Variants in TXNDC5 observed in about 807,000 individuals in gnomAD.
TXNDC5 encodes the protein thioredoxin domain containing 5.
Under a neutral mutation model 52.6 loss-of-function variants are expected in TXNDC5, and 44 were observed. The ratio of observed to expected loss-of-function variants is 0.84; its 90% CI spans 0.66 to 1.08. The LOEUF (loss-of-function observed/expected upper bound fraction) is 1.08, where lower values mean the gene tolerates loss of function less well. Among genes scored for constraint, TXNDC5 ranks in the 50% least tolerant of loss-of-function variants. The probability of loss-of-function intolerance (pLI) is 0.00; values close to 1 mark genes in which losing one functional copy is unlikely to be tolerated. For missense variants in TXNDC5, 600 were observed against 565.5 expected, an observed-to-expected ratio of 1.06 and a Z score of -0.62; for synonymous variants, 241 against 234.4, an observed-to-expected ratio of 1.03 and a Z score of -0.26.
intron 7 of TXNDC5, among the ~76,000 whole-genome samples, chr6:7,887,840 C>T (rs1035440759): frequency 6.6e-6 from 1 of 152,182 alleles, no homozygotes; most frequent in Admixed American, 6.5e-5. Context: ...TGCAGAAATG[C>T]CGGCTGATTC....
At position 7,883,007 on chromosome 6, in the gene TXNDC5, A is replaced by G; in HGVS notation, c.*137T>C. On this transcript the variant is annotated 3_prime_UTR_variant, in exon 10 of 10. Coordinates refer to ENST00000379757, the MANE Select transcript of TXNDC5 (RefSeq NM_030810.5). ...GTGTGTTGGCTTGGAAAACACACAC[A>G]CAAAGAAGATACCTCACGCTTAGTA... is the stretch of plus-strand genomic sequence containing the variant. 1 of 1,186,870 alleles carries G rather than the reference A, an allele frequency of 8.4e-7. No homozygotes were observed. 73.5% of individuals were successfully genotyped at this position (1,186,870 alleles called of 1,614,324 possible). A position where few individuals can be genotyped will look rare whatever the true frequency, so the allele number is the denominator to read the frequency against.
In TXNDC5 at chr6:7,883,253, G is replaced by A; in HGVS notation, c.1190C>T (p.Pro397Leu). ...ICSKYSVRGY[P>L]TLLLFRGGKK... ...CCCTCCTCGGAAAAGCAATAACGTG[G>A]GGTAGCCTCGTACCTTAAAACAAAA... is the stretch of plus-strand genomic sequence containing the variant. The change falls in exon 10 of 10, where the codon CCC (proline) becomes CTC (leucine). Residue 397 changes from proline (P) to leucine (L), a missense_variant. Coordinates refer to ENST00000379757, the MANE Select transcript of TXNDC5 (RefSeq NM_030810.5). The A allele has an allele frequency of 1.2e-6, 2 of 1,614,102 alleles. No homozygotes were observed. The highest frequency in any genetic ancestry group is 1.7e-6 in the Non-Finnish European group (2 of 1,180,002).
At chr6:7,901,419 A>G (rs1760563154) in intron 2 of TXNDC5, among the ~76,000 whole-genome samples, 1 of 151,610 alleles carries the variant, frequency 6.6e-6, no homozygotes, top group Non-Finnish European at 1.5e-5. Flanking sequence ...CTTTGCTAAA[A>G]GTAAAATACA....
intron 4 of TXNDC5, among the ~76,000 whole-genome samples, chr6:7,893,711 G>C (rs1760275998): frequency 6.6e-6 from 1 of 152,228 alleles, no homozygotes; most frequent in African/African-American, 2.4e-5. Context: ...GCAAAAGTGG[G>C]AAAAGGCTGA....
chr6:7,886,097 G>C lies in TXNDC5; in HGVS notation c.964-54C>G, dbSNP rs566985438. 3.3e-6 allele frequency: 5 copies of C among 1,519,424 alleles called. No individual in the cohort carries two copies. In the African/African-American group the frequency reaches 6.9e-5, roughly 21 times the overall value. 94.1% of individuals were successfully genotyped at this position (1,519,424 alleles called of 1,614,324 possible). Reference sequence around the variant, plus strand: ...AGTACATCCCTTAAAGTTGAGCAGGGCCATGCTTTGGGATTGCAGATACAC... The same window carrying C: ...AGTACATCCCTTAAAGTTGAGCAGGCCCATGCTTTGGGATTGCAGATACAC... On this transcript the variant is annotated intron_variant, in intron 7 of 9. Coordinates refer to ENST00000379757, the MANE Select transcript of TXNDC5 (RefSeq NM_030810.5).
chr6:7,890,884 C>T (rs1259435852), intron 5 of TXNDC5, among the ~76,000 whole-genome samples: 1 of 152,144 alleles, frequency 6.6e-6, no homozygotes, highest in African/African-American at 2.4e-5. Flanking sequence ...GCCAGGTCTA[C>T]CCAACCCCCA....
At chr6:7,884,229 A>AGAGATCCTCT in intron 9 of TXNDC5, 130 bp downstream of exon 9, 1 of 1,272,548 alleles carries the variant, frequency 7.9e-7, no homozygotes, top group Non-Finnish European at 1.1e-6. Context: ...CAAACAAACA[A>AGAGATCCTCT]CTCAAAGGGA....
intron 3 of TXNDC5, among the ~76,000 whole-genome samples, chr6:7,897,169 T>G (rs1244918329): frequency 6.6e-6 from 1 of 152,048 alleles, no homozygotes; most frequent in Admixed American, 6.6e-5. Context: ...ATGATCAACA[T>G]AAAGACCACA....
chr6:7,885,961 C>T lies in TXNDC5; in HGVS notation c.1046G>A (p.Trp349Ter). The T allele has an allele frequency of 6.2e-7, 1 of 1,613,840 alleles. No homozygotes were observed. The highest frequency in any genetic ancestry group is 8.5e-7 in the Non-Finnish European group (1 of 1,179,922). The change falls in exon 8 of 10, where the codon TGG becomes TAG. Residue 349 changes from tryptophan to a stop codon, truncating the protein, a stop_gained and splice_region_variant. Coordinates refer to ENST00000379757, the MANE Select transcript of TXNDC5 (RefSeq NM_030810.5). LOFTEE classifies it high-confidence loss of function. ...AGTTTCTAATTAAACAGCCACTTAC[C>T]ATGGAGCATAAAACTTGATGAAGGT... ...GITFIKFYAP[W>*]CGHCKTLAPT...
chr6:7,891,800 T>C, intron 4 of TXNDC5, 64 bp from the exon 5 acceptor site: 1 of 1,160,494 alleles, frequency 8.6e-7, no homozygotes, highest in Non-Finnish European at 1.3e-6. Flanking sequence ...CAGACCTCAC[T>C]AGAGAGTTAA....
intron 4 of TXNDC5, among the ~76,000 whole-genome samples, 178 bp from the exon 5 acceptor site, chr6:7,891,914 A>C (rs1760205077): frequency 6.6e-6 from 1 of 152,254 alleles, no homozygotes; most frequent in Admixed American, 6.5e-5. Flanking sequence ...TCATGACTTC[A>C]TAACAATACT....
chr6:7,887,499 C>T (rs113914639), intron 7 of TXNDC5, among the ~76,000 whole-genome samples: 2 of 101,542 alleles, frequency 2.0e-5, no homozygotes, highest in Non-Finnish European at 3.5e-5. Context: ...ACCCTCCCTC[C>T]CTCTCCGCGC....
intron 1 of TXNDC5, chr6:7,909,836 T>G (rs1200685165): frequency 8.1e-6 from 8 of 985,888 alleles, no homozygotes; most frequent in Non-Finnish European, 3.6e-6. Context: ...ATTTTTCAGT[T>G]AAAGCCTCTG....
At chr6:7,884,201 G>C (rs1407504190) in intron 9 of TXNDC5, among the ~76,000 whole-genome samples, 158 bp downstream of exon 9, 5 of 152,000 alleles carry the variant, frequency 3.3e-5, no homozygotes, top group Non-Finnish European at 7.3e-5. Flanking sequence ...CTTTGAGAGA[G>C]GATCTCTTTT....
chr6:7,887,435 C>A (rs1340305313), intron 7 of TXNDC5, among the ~76,000 whole-genome samples: 1 of 150,208 alleles, frequency 6.7e-6, no homozygotes, highest in Non-Finnish European at 1.5e-5. Context: ...CTGGCCCCGC[C>A]CCTGTGCTGG....
In TXNDC5 at chr6:7,895,273, G is replaced by C. The variant is rs1387452073; in HGVS notation, c.520-71C>G. 2.8e-6 allele frequency: 4 copies of C among 1,419,634 alleles called. No individual in the cohort carries two copies. The African/African-American group carries it at 5.7e-5, about 20-fold the overall frequency. 87.9% of individuals were successfully genotyped at this position (1,419,634 alleles called of 1,614,324 possible). ...CAGGGAAACCATCCAGGAGGTGACT[G>C]TGTCTGTGGGGAACCGCCTGCAGAT... On this transcript the variant is annotated intron_variant, in intron 3 of 9. Transcript: ENST00000379757.
At chr6:7,902,739 C>T (rs1269049011) in intron 2 of TXNDC5, among the ~76,000 whole-genome samples, 1 of 151,996 alleles carries the variant, frequency 6.6e-6, no homozygotes, top group Non-Finnish European at 1.5e-5. Flanking sequence ...GTGTGGTGTA[C>T]GTTCATTTTT....
chr6:7,894,613 C>CTACA (rs1760304720), intron 4 of TXNDC5: 1 of 690,148 alleles, frequency 1.4e-6, no homozygotes, highest in Non-Finnish European at 1.8e-6. Flanking sequence ...ATGAAATGTG[C>CTACA]TACAGCATTA....
At chr6:7,899,717 G>A (rs893149051) in intron 2 of TXNDC5, 36 bp from the exon 3 acceptor site, 4 of 1,573,466 alleles carry the variant, frequency 2.5e-6, no homozygotes, top group South Asian at 1.1e-5. Flanking sequence ...AGAGCAAAAA[G>A]AAAGTTGTCT....
Sources: allele counts gnomAD v4.1 joint callset (sites outside exome capture counted in the v4.1 genomes callset), GRCh38; gene constraint gnomAD v4.1.1; transcripts MANE v1.5; gene names NCBI Gene and HGNC (gene_info 2026-07-23, HGNC 2026-07-21).